The following ZFHX3 variants were observed in gnomAD, a reference collection of about 807,000 sequenced individuals.
The protein encoded by ZFHX3 is zinc finger homeobox 3.
Under a neutral mutation model 279.1 loss-of-function variants are expected in ZFHX3, and 42 were observed. The observed-to-expected ratio is 0.15, with a 90% CI of 0.12 to 0.19. The LOEUF (loss-of-function observed/expected upper bound fraction) is 0.19, where lower values mean the gene tolerates loss of function less well. Ranked by LOEUF, ZFHX3 falls within the 10% of genes least tolerant of loss-of-function variation. ZFHX3 has a pLI of 1.00. For missense variants in ZFHX3, 4,981 were observed against 4,754.0 expected (o/e 1.05, Z -1.40); for synonymous variants, 2,293 against 1,957.8 (o/e 1.17, Z -4.52).
intron 3 of ZFHX3, among the ~76,000 whole-genome samples, chr16:73,366,519 C>T (rs916351275): frequency 1.3e-5 from 2 of 151,358 alleles, no homozygotes; most frequent in East Asian, 1.9e-4. Context: ...ATTGCTTGAG[C>T]CCAGGAGTTT....
chr16:73,739,664 A>G (rs2053637580), intron 1 of ZFHX3, among the ~76,000 whole-genome samples: 1 of 152,238 alleles, frequency 6.6e-6, no homozygotes, highest in South Asian at 2.1e-4. Flanking sequence ...ATTGACTATC[A>G]GGGACTCCCA....
At chr16:73,290,217 C>T (rs765891762) in intron 4 of ZFHX3, among the ~76,000 whole-genome samples, 3 of 152,088 alleles carry the variant, frequency 2.0e-5, no homozygotes, top group Non-Finnish European at 4.4e-5. Context: ...ATTATAGCTT[C>T]GTGAATTCCC....
In ZFHX3 at chr16:73,790,433, ACT is replaced by A. The variant is rs1959789581; in HGVS notation, c.-1608+101216_-1608+101217del. ...TGTTCTGTGCTTGTTTTTTATAAAA[ACT>A]CTTGTAAAATGTGAAAAGGTGGATG... On this transcript the variant is annotated intron_variant, in intron 1 of 17. Coordinates refer to the ZFHX3 transcript ENST00000641206. Among the ~76,000 whole-genome samples, 3 of 152,308 alleles carry A rather than the reference ACT, an allele frequency of 2.0e-5. No homozygotes were observed. The South Asian group carries it at 6.2e-4, about 32-fold the overall frequency.
At chr16:73,449,177 G>A (rs1410582257) in intron 3 of ZFHX3, among the ~76,000 whole-genome samples, 1 of 152,192 alleles carries the variant, frequency 6.6e-6, no homozygotes. Context: ...CACATTTTGA[G>A]GGAAAGAAAG....
chr16:73,834,802 A>C (rs1961093181), intron 1 of ZFHX3, among the ~76,000 whole-genome samples: 1 of 152,188 alleles, frequency 6.6e-6, no homozygotes, highest in Admixed American at 6.5e-5. Context: ...GAGGCAGGAG[A>C]ACCGCTTGAA....
At chr16:73,526,995 TA>T (rs2019706797) in intron 2 of ZFHX3, among the ~76,000 whole-genome samples, 1 of 152,024 alleles carries the variant, frequency 6.6e-6, no homozygotes, top group Non-Finnish European at 1.5e-5. Context: ...CTTTCCAATA[TA>T]AGAGACAACT....
chr16:73,088,708 C>T (rs1966038516), intron 8 of ZFHX3, among the ~76,000 whole-genome samples: 1 of 152,134 alleles, frequency 6.6e-6, no homozygotes, highest in South Asian at 2.1e-4. Flanking sequence ...AAAACATTCT[C>T]AGGTACATCC....
At chr16:72,905,421 C>T (rs2039144316) in intron 3 of ZFHX3, among the ~76,000 whole-genome samples, 1 of 152,164 alleles carries the variant, frequency 6.6e-6, no homozygotes, top group Admixed American at 6.5e-5. Context: ...TCATTCCATT[C>T]CTCCATTTCT....
At chr16:73,248,360 A>G (rs935636511) in intron 5 of ZFHX3, among the ~76,000 whole-genome samples, 14 of 150,774 alleles carry the variant, frequency 9.3e-5, no homozygotes, top group African/African-American at 2.9e-4. Flanking sequence ...GTGGTTGTAT[A>G]CTGTGTATAA....
Position 72,958,478 on chromosome 16 carries a change from A to G in ZFHX3, c.1668T>C (p.Ser556=). The G allele has an allele frequency of 6.2e-7, 1 of 1,614,158 alleles. No individual in the cohort carries two copies. Among genetic ancestry groups the G allele is most frequent in the South Asian group, 1.1e-5 (1 of 91,092 alleles). The part of the protein sequence containing the change: ...GTASTSSNSA[S]SFVVFDGANR... ...TCGCACCATCAAAGACAACAAAGGAAGAAGCAGAATTAGAACTAGTAGAAG... is the reference window on the plus strand; with the variant it reads ...TCGCACCATCAAAGACAACAAAGGAGGAAGCAGAATTAGAACTAGTAGAAG... The change falls in exon 2 of 10, where the codon TCT becomes TCC. Residue 556 remains serine, a synonymous_variant. Coordinates refer to ENST00000268489, the MANE Select transcript of ZFHX3 (RefSeq NM_006885.4).
rs1173042086 is a variant in ZFHX3 at position 73,289,438 on chromosome 16, T to C, written c.-1194+28802A>G. On this transcript the variant is annotated intron_variant, in intron 4 of 17. Transcript: ENST00000641206. Reference sequence around the variant, plus strand: ...GCATCTTCAGGGAAGCCCAGCTGTGTGTTTTCAAGGTGGGGAAAAAACCTG... The same window carrying C: ...GCATCTTCAGGGAAGCCCAGCTGTGCGTTTTCAAGGTGGGGAAAAAACCTG... Among the ~76,000 whole-genome samples, 5 of 152,038 alleles carry C rather than the reference T, an allele frequency of 3.3e-5. No homozygotes were observed. The East Asian group carries it at 9.7e-4, about 29-fold the overall frequency.
intron 2 of ZFHX3, among the ~76,000 whole-genome samples, chr16:73,458,055 T>C (rs377084259): frequency 6.6e-6 from 1 of 152,220 alleles, no homozygotes; most frequent in Non-Finnish European, 1.5e-5. Context: ...CATCCCGCAA[T>C]AGACACCTGT....
intron 1 of ZFHX3, among the ~76,000 whole-genome samples, chr16:73,848,521 C>G (rs1792232052): frequency 6.6e-6 from 1 of 152,204 alleles, no homozygotes; most frequent in Non-Finnish European, 1.5e-5. Context: ...AAGAAACTCT[C>G]AAGGCCACAT....
intron 7 of ZFHX3, among the ~76,000 whole-genome samples, chr16:73,116,567 C>T (rs1966435705): frequency 6.6e-6 from 1 of 152,078 alleles, no homozygotes; most frequent in South Asian, 2.1e-4. Context: ...GGGATGCAGA[C>T]CATGTACCTA....
At chr16:72,917,151 G>A (rs2039461817) in intron 3 of ZFHX3, among the ~76,000 whole-genome samples, 2 of 152,158 alleles carry the variant, frequency 1.3e-5, no homozygotes, top group South Asian at 4.1e-4. Flanking sequence ...TGAGGTGGAA[G>A]GATTACTTGA....
chr16:73,552,072 C>G (rs939587371), intron 2 of ZFHX3, among the ~76,000 whole-genome samples: 1 of 152,016 alleles, frequency 6.6e-6, no homozygotes. Context: ...AGAGAGAAAG[C>G]ACACAGTCAT....
chr16:73,850,594 A>C (rs1292833909), intron 1 of ZFHX3, among the ~76,000 whole-genome samples: 2 of 152,188 alleles, frequency 1.3e-5, no homozygotes, highest in African/African-American at 4.8e-5. Flanking sequence ...GTCTCCTTTC[A>C]TTCCCATCCC....
intron 1 of ZFHX3, among the ~76,000 whole-genome samples, chr16:73,812,880 C>G (rs1960462656): frequency 6.6e-6 from 1 of 152,184 alleles, no homozygotes; most frequent in South Asian, 2.1e-4. Context: ...GCCTTAATCT[C>G]CTTATGCCTG....
intron 3 of ZFHX3, among the ~76,000 whole-genome samples, chr16:73,450,837 A>G (rs2018271388): frequency 6.6e-6 from 1 of 152,204 alleles, no homozygotes; most frequent in Admixed American, 6.5e-5. Context: ...TCCTAATAGT[A>G]CTATGATTCC....
Sources: gnomAD v4.1 joint callset for allele counts (sites outside exome capture counted in the v4.1 genomes callset) on GRCh38, gnomAD v4.1.1 for gene constraint, MANE v1.5 for transcripts, NCBI Gene and HGNC (gene_info 2026-07-23, HGNC 2026-07-21) for gene names.